The following MTUS2 variants were observed in gnomAD, a reference collection of about 807,000 sequenced individuals.
MTUS2 encodes the protein microtubule-associated tumor suppressor candidate 2.
MTUS2 carries 40 observed loss-of-function variants against 114.1 expected under a neutral mutation model. The observed-to-expected ratio is 0.35, with a 90% CI of 0.27 to 0.46. MTUS2 has a LOEUF of 0.46. Among genes scored for constraint, MTUS2 ranks in the 20% least tolerant of loss-of-function variants. The pLI, the probability that MTUS2 is intolerant of heterozygous loss-of-function variation, is 1.00. For synonymous variants in MTUS2, 688 were observed against 672.0 expected, an observed-to-expected ratio of 1.02 and a Z score of -0.37; for missense variants, 1,679 against 1,705.4, an observed-to-expected ratio of 0.98 and a Z score of 0.27.
chr13:29,140,935 G>A (rs1358977892), intron 5 of MTUS2, among the ~76,000 whole-genome samples: 2 of 152,204 alleles, frequency 1.3e-5, no homozygotes, highest in African/African-American at 2.4e-5. Context: ...GACAAAAATC[G>A]GTGTCGATGT....
chr13:29,359,207 A>G (rs369208261), intron 7 of MTUS2, 55 bp from the exon 8 acceptor site: 50 of 1,486,870 alleles, frequency 3.4e-5, no homozygotes, highest in Non-Finnish European at 4.4e-5. Flanking sequence ...CCGTTGTCAC[A>G]TGTGTACTGA....
chr13:29,300,391 G>C (rs1466663912), intron 6 of MTUS2, among the ~76,000 whole-genome samples: 1 of 152,134 alleles, frequency 6.6e-6, no homozygotes, highest in Non-Finnish European at 1.5e-5. Flanking sequence ...TGTCAGCCTT[G>C]AGGAGCTATG....
intron 4 of MTUS2, among the ~76,000 whole-genome samples, chr13:29,080,717 C>G (rs1889402769): frequency 6.6e-6 from 1 of 152,008 alleles, no homozygotes; most frequent in South Asian, 2.1e-4. Flanking sequence ...AAATGTTAAT[C>G]TCTCTCTCTC....
chr13:29,146,039 T>G (rs1011950545), intron 5 of MTUS2, among the ~76,000 whole-genome samples: 1 of 152,234 alleles, frequency 6.6e-6, no homozygotes, highest in Non-Finnish European at 1.5e-5. Context: ...TGTTGTAAAC[T>G]TTTTTGCTAT....
intron 8 of MTUS2, among the ~76,000 whole-genome samples, chr13:29,373,062 G>A (rs1402981527): frequency 6.6e-6 from 1 of 152,190 alleles, no homozygotes; most frequent in Non-Finnish European, 1.5e-5. Context: ...AGTTCAGCTT[G>A]AAACCTGGAA....
intron 6 of MTUS2, among the ~76,000 whole-genome samples, chr13:29,301,569 T>C (rs1899206251): frequency 6.6e-6 from 1 of 152,224 alleles, no homozygotes; most frequent in Non-Finnish European, 1.5e-5. Flanking sequence ...TTGGATGGCA[T>C]GGGGAACAAG....
intron 5 of MTUS2, among the ~76,000 whole-genome samples, chr13:29,128,724 G>A (rs986273157): frequency 1.3e-5 from 2 of 152,006 alleles, no homozygotes; most frequent in Admixed American, 6.6e-5. Context: ...TGCTAGCCAT[G>A]TGTCACTCAT....
At chr13:29,197,968 T>G (rs753731390) in intron 5 of MTUS2, among the ~76,000 whole-genome samples, 1 of 152,188 alleles carries the variant, frequency 6.6e-6, no homozygotes, top group African/African-American at 2.4e-5. Context: ...GTCAGATAAA[T>G]AGATTGCAAA....
intron 5 of MTUS2, among the ~76,000 whole-genome samples, chr13:29,176,778 C>A (rs1311136329): frequency 6.9e-6 from 1 of 145,552 alleles, no homozygotes; most frequent in East Asian, 1.9e-4. Context: ...GGGGGCACCC[C>A]AAAATTCAGA....
intron 4 of MTUS2, among the ~76,000 whole-genome samples, chr13:29,058,887 G>T (rs1237364370): frequency 6.6e-6 from 1 of 152,004 alleles, no homozygotes; most frequent in Non-Finnish European, 1.5e-5. Context: ...TGAAATTCTT[G>T]AAGTGAATTT....
chr13:29,285,770 A>C (rs968615193), intron 6 of MTUS2, among the ~76,000 whole-genome samples: 9 of 152,228 alleles, frequency 5.9e-5, no homozygotes, highest in African/African-American at 2.2e-4. Flanking sequence ...GTAGATTACA[A>C]AAAAATGTAA....
At chr13:29,124,562 C>T (rs1323492756) in intron 5 of MTUS2, among the ~76,000 whole-genome samples, 1 of 152,096 alleles carries the variant, frequency 6.6e-6, no homozygotes, top group Non-Finnish European at 1.5e-5. Flanking sequence ...CTGTGTCACC[C>T]AGCAATTCCA....
intron 2 of MTUS2, among the ~76,000 whole-genome samples, chr13:28,920,334 G>A (rs1880974626): frequency 6.6e-6 from 1 of 152,218 alleles, no homozygotes; most frequent in Non-Finnish European, 1.5e-5. Flanking sequence ...TGCTGCCTTG[G>A]TGGTCTTTGA....
intron 2 of MTUS2, among the ~76,000 whole-genome samples, chr13:28,848,129 G>A (rs1876011393): frequency 6.6e-6 from 1 of 152,168 alleles, no homozygotes; most frequent in African/African-American, 2.4e-5. Context: ...TTGAATGCCT[G>A]CTTTGTGATA....
rs1332063905 is a variant in MTUS2 at position 29,024,780 on chromosome 13, A to T, written c.82A>T (p.Ser28Cys). ...AAATGCAGCAAGAAATAATAATGAA[A>T]GCATCTTAAGTCTGGGAGATACGAA... ...NRNAARNNNE[S>C]ILSLGDTNAN... The change falls in exon 3 of 16, where the codon AGC (serine) becomes TGC (cysteine). Residue 28 changes from serine (S) to cysteine (C), a missense_variant. By Grantham distance (112) the Ser-to-Cys change is moderately radical. Around this residue, in one of 3 missense-constraint regions of MTUS2, gnomAD observed 843 missense variants for 770.8 expected, o/e 1.09. Coordinates refer to ENST00000612955, the MANE Select transcript of MTUS2 (RefSeq NM_001033602.4). 1 of 1,613,906 alleles carries T rather than the reference A, an allele frequency of 6.2e-7. No homozygotes were observed.
At chr13:29,407,688 A>G (rs1202943466) in intron 8 of MTUS2, among the ~76,000 whole-genome samples, 1 of 152,006 alleles carries the variant, frequency 6.6e-6, no homozygotes, top group Non-Finnish European at 1.5e-5. Flanking sequence ...CATGTTGGCC[A>G]GGCTGGTCTT....
intron 9 of MTUS2, among the ~76,000 whole-genome samples, chr13:29,477,603 A>G (rs903068419): frequency 6.6e-6 from 1 of 152,218 alleles, no homozygotes; most frequent in African/African-American, 2.4e-5. Context: ...CCACAACCTC[A>G]GTACAAGGTA....
chr13:28,911,281 T>A (rs1203088221), intron 2 of MTUS2, among the ~76,000 whole-genome samples: 1 of 150,996 alleles, frequency 6.6e-6, no homozygotes, highest in African/African-American at 2.4e-5. Flanking sequence ...TTTCAAGTGA[T>A]TACCCTGCCT....
chr13:29,434,249 G>C (rs1056472316), intron 8 of MTUS2, among the ~76,000 whole-genome samples: 2 of 152,270 alleles, frequency 1.3e-5, no homozygotes, highest in Non-Finnish European at 2.9e-5. Context: ...GAATTTCATA[G>C]ACCAGAGGCA....
Sources: allele counts gnomAD v4.1 joint callset (sites outside exome capture counted in the v4.1 genomes callset), GRCh38; gene constraint gnomAD v4.1.1; regional missense constraint gnomAD v4.1.1; transcripts MANE v1.5; gene names NCBI Gene and HGNC (gene_info 2026-07-23, HGNC 2026-07-21).